Variants in ATL2 observed in about 807,000 individuals in gnomAD.
ATL2 encodes the protein atlastin GTPase 2.
ATL2 carries 31 observed loss-of-function variants against 73.9 expected under a neutral mutation model. The ratio of observed to expected loss-of-function variants is 0.42; its 90% CI spans 0.32 to 0.57. The LOEUF is 0.57. ATL2 is among the 20% of genes least tolerant of loss of function. ATL2 has a pLI of 0.14. For missense variants in ATL2, 738 were observed against 702.6 expected (o/e 1.05, Z -0.57); for synonymous variants, 291 against 237.5 (o/e 1.23, Z -2.07).
chr2:38,326,219 T>A lies in ATL2; in HGVS notation c.364-7200A>T, dbSNP rs1298395068. Among the ~76,000 whole-genome samples the A allele has an allele frequency of 2.0e-5, 3 of 152,320 alleles. No individual in the cohort carries two copies. In the East Asian group the frequency reaches 5.8e-4, roughly 29 times the overall value. ...AAGCTGCAAGACACAGATTTTGAGTTCAATAAAAGTTCTTGGGAAACCCCA... is the reference window on the plus strand; with the variant it reads ...AAGCTGCAAGACACAGATTTTGAGTACAATAAAAGTTCTTGGGAAACCCCA... On this transcript the variant is annotated intron_variant, in intron 2 of 12. Coordinates refer to ENST00000378954, the MANE Select transcript of ATL2 (RefSeq NM_001135673.4).
At chr2:38,343,624 T>A in intron 1 of ATL2, 112 bp from the exon 2 acceptor site, 1 of 872,028 alleles carries the variant, frequency 1.1e-6, no homozygotes, top group Non-Finnish European at 1.8e-6. Context: ...CTCCCCCCAT[T>A]ATAGATCATT....
At chr2:38,371,670 G>T (rs930126709) in intron 1 of ATL2, among the ~76,000 whole-genome samples, 35 of 152,104 alleles carry the variant, frequency 2.3e-4, no homozygotes, top group Non-Finnish European at 4.3e-4. Flanking sequence ...GGCCAAGGTG[G>T]GTGGATCACC....
At chr2:38,335,179 A>G (rs985411414) in intron 2 of ATL2, among the ~76,000 whole-genome samples, 1 of 151,782 alleles carries the variant, frequency 6.6e-6, no homozygotes, top group Non-Finnish European at 1.5e-5. Context: ...TCGGAAAAAA[A>G]TTTTGGCAAT....
intron 2 of ATL2, among the ~76,000 whole-genome samples, chr2:38,320,326 G>C (rs564100335): frequency 6.6e-6 from 1 of 152,140 alleles, no homozygotes; most frequent in Non-Finnish European, 1.5e-5. Flanking sequence ...TTATCTATTA[G>C]ATACTCAAGT....
chr2:38,307,789 A>T (rs1301152077), intron 9 of ATL2, among the ~76,000 whole-genome samples: 1 of 152,208 alleles, frequency 6.6e-6, no homozygotes, highest in Non-Finnish European at 1.5e-5. Context: ...TGATCTGATC[A>T]AAAAACGGGC....
At chr2:38,327,958 G>C (rs1043544262) in intron 2 of ATL2, among the ~76,000 whole-genome samples, 1 of 151,790 alleles carries the variant, frequency 6.6e-6, no homozygotes. Flanking sequence ...TGTCACAGTG[G>C]GTTTTTAAAA....
rs936375950 is a variant in ATL2 at position 38,373,554 on chromosome 2, G to T, written c.118+3589C>A. Among the ~76,000 whole-genome samples the T allele has an allele frequency of 2.6e-5, 4 of 152,314 alleles. 1 individual carries two copies. The East Asian group carries it at 7.7e-4, about 29-fold the overall frequency. On this transcript the variant is annotated intron_variant, in intron 1 of 12. Transcript: ENST00000378954. ...GATGTTAGTCTTTTATGACTTAAAA[G>T]TTGTTTCTAGTAACTATCATCCGAC...
At chr2:38,328,325 A>G (rs960205895) in intron 2 of ATL2, among the ~76,000 whole-genome samples, 11 of 152,194 alleles carry the variant, frequency 7.2e-5, no homozygotes, top group Non-Finnish European at 1.0e-4. Flanking sequence ...TCAACAATCA[A>G]ATGGATCTGA....
rs1178397926 is a variant in ATL2, at chr2:38,295,229, T to C, written c.*765A>G. The stretch of plus-strand genomic sequence containing the variant: ...CATATACATGCCCTATCTGTGATTT[T>C]AGAAAATAAAAGCTACACACTGTAC... On this transcript the variant is annotated 3_prime_UTR_variant, in exon 13 of 13. Transcript: ENST00000378954. 1 of 152,208 alleles carries C rather than the reference T, an allele frequency of 6.6e-6. No homozygotes were observed. The highest frequency in any genetic ancestry group is 6.5e-5 in the Admixed American group (1 of 15,286). The allele number at this position is 152,208 out of a possible 1,614,324, so 9.4% of individuals were successfully genotyped here. A position where few individuals can be genotyped will look rare whatever the true frequency, so the allele number is the denominator to read the frequency against.
At chr2:38,326,549 T>C (rs1326262065) in intron 2 of ATL2, among the ~76,000 whole-genome samples, 1 of 152,024 alleles carries the variant, frequency 6.6e-6, no homozygotes, top group Non-Finnish European at 1.5e-5. Flanking sequence ...CCAAGCAGGA[T>C]AAATACCAAA....
chr2:38,337,657 C>T (rs1458357131), intron 2 of ATL2, among the ~76,000 whole-genome samples: 1 of 151,526 alleles, frequency 6.6e-6, no homozygotes, highest in African/African-American at 2.4e-5. Context: ...TAATTGATCA[C>T]AGGGATTTAC....
chr2:38,368,244 G>T (rs1379071295), intron 1 of ATL2, among the ~76,000 whole-genome samples: 6 of 145,760 alleles, frequency 4.1e-5, no homozygotes, highest in Admixed American at 6.9e-5. Flanking sequence ...TCTAAAATAA[G>T]GACTTTTTTT....
In ATL2 at chr2:38,363,155, G is replaced by T. The variant is rs141947041; in HGVS notation, c.118+13988C>A. Among the ~76,000 whole-genome samples, 249 of 152,222 alleles carry T rather than the reference G, an allele frequency of 1.6e-3. 1 individual carries two copies. Among genetic ancestry groups the T allele is most frequent in the African/African-American group, 5.7e-3 (236 of 41,536 alleles). ...CTGAAGCTCAGATAAAGCAATCTGC[G>T]AGGATACACATTTTGTAAGTAATCA... On this transcript the variant is annotated intron_variant, in intron 1 of 12. Transcript: ENST00000378954.
Position 38,299,238 on chromosome 2 carries a change from TAA to T in ATL2, c.1200+16_1200+17del. The T allele has an allele frequency of 6.7e-7, 1 of 1,496,584 alleles. No homozygotes were observed. Among genetic ancestry groups the T allele is most frequent in the South Asian group, 1.4e-5 (1 of 69,480 alleles). The allele number at this position is 1,496,584 out of a possible 1,614,324, so 92.7% of individuals were successfully genotyped here. A position where few individuals can be genotyped will look rare whatever the true frequency, so the allele number is the denominator to read the frequency against. On this transcript the variant is annotated intron_variant, in intron 11 of 12. Transcript: ENST00000378954. The stretch of plus-strand genomic sequence containing the variant: ...AATCTTCTCACTCCAGCATCAAATT[TAA>T]ATTTTAGGTACAAACCTGTTCCATA...
chr2:38,342,609 A>G (rs1669788034), intron 2 of ATL2, among the ~76,000 whole-genome samples: 1 of 152,234 alleles, frequency 6.6e-6, no homozygotes, highest in Non-Finnish European at 1.5e-5. Context: ...ACTAAAACTG[A>G]CTTGTTTGAG....
At chr2:38,370,448 CAA>C (rs55964015) in intron 1 of ATL2, among the ~76,000 whole-genome samples, 875 of 54,954 alleles carry the variant, frequency 0.016, no homozygotes, top group Middle Eastern at 0.036. Flanking sequence ...GACTCTGTCC[CAA>C]AAAAAAAAAA....
chr2:38,329,464 A>T (rs79657544), intron 2 of ATL2, among the ~76,000 whole-genome samples: 1 of 149,374 alleles, frequency 6.7e-6, no homozygotes, highest in Non-Finnish European at 1.5e-5. Context: ...TCAATAAATA[A>T]CCTTCCAAAA....
chr2:38,340,139 G>A (rs1253884048), intron 2 of ATL2, among the ~76,000 whole-genome samples: 3 of 132,952 alleles, frequency 2.3e-5, no homozygotes, highest in African/African-American at 8.3e-5. Flanking sequence ...ATGAACCTGT[G>A]GTGAAAAGTT....
chr2:38,346,844 A>C (rs114395781), intron 1 of ATL2, among the ~76,000 whole-genome samples: 1 of 152,154 alleles, frequency 6.6e-6, no homozygotes, highest in South Asian at 2.1e-4. Context: ...TAGGTAGCCA[A>C]ACTAACCTTT....
Sources: allele counts gnomAD v4.1 joint callset (sites outside exome capture counted in the v4.1 genomes callset), GRCh38; gene constraint gnomAD v4.1.1; transcripts MANE v1.5; gene names NCBI Gene and HGNC (gene_info 2026-07-23, HGNC 2026-07-21).